The following ZNF330 variants were observed in gnomAD, a reference collection of about 807,000 sequenced individuals.
ZNF330 encodes the protein nucleolar atypical zinc finger.
In ZNF330, 31 loss-of-function variants were observed where a neutral mutation model predicts 45.5. The ratio of observed to expected loss-of-function variants is 0.68; its 90% confidence interval spans 0.51 to 0.92. The LOEUF is 0.92. ZNF330 is among the 40% of genes least tolerant of loss of function. The pLI is 0.00. For missense variants in ZNF330, 356 were observed against 387.4 expected, an observed-to-expected ratio of 0.92 and a Z score of 0.68; for synonymous variants, 138 against 123.2, an observed-to-expected ratio of 1.12 and a Z score of -0.79.
chr4:141,223,027 C>A (rs946133726), intron 2 of ZNF330, among the ~76,000 whole-genome samples: 2 of 151,554 alleles, frequency 1.3e-5, no homozygotes, highest in African/African-American at 4.9e-5. Flanking sequence ...TATTCCGGTT[C>A]TCTCTATTTC....
rs1473059755 is a variant in ZNF330 at position 141,234,446 on chromosome 4, A to G, written c.*457A>G. The G allele has an allele frequency of 6.5e-6, 1 of 153,258 alleles. No individual in the cohort carries two copies. Among genetic ancestry groups the G allele is most frequent in the Non-Finnish European group, 1.5e-5 (1 of 68,786 alleles). 9.5% of individuals were successfully genotyped at this position (153,258 alleles called of 1,614,324 possible). A position where few individuals can be genotyped will look rare whatever the true frequency, so the allele number is the denominator to read the frequency against. On this transcript the variant is annotated 3_prime_UTR_variant, in exon 10 of 10. Coordinates refer to ENST00000262990, the MANE Select transcript of ZNF330 (RefSeq NM_014487.6). The stretch of plus-strand genomic sequence containing the variant: ...CACAGAATGAGAGTCATATGTTGTT[A>G]TATTCTAAATTTTCATTAAATATTC...
chr4:141,228,020 A>G (rs905329015), intron 5 of ZNF330, among the ~76,000 whole-genome samples: 4 of 152,120 alleles, frequency 2.6e-5, no homozygotes, highest in African/African-American at 9.7e-5. Context: ...ATTTTAATCT[A>G]TGAGGAAAAT....
At chr4:141,224,756 T>A in intron 4 of ZNF330, 79 bp downstream of exon 4, 1 of 1,208,206 alleles carries the variant, frequency 8.3e-7, no homozygotes, top group Admixed American at 1.7e-5. Context: ...GGTTTGTTGC[T>A]ATTGGTTACA....
chr4:141,223,810 A>C, intron 2 of ZNF330: 2 of 456,024 alleles, frequency 4.4e-6, no homozygotes, highest in South Asian at 3.1e-5. Flanking sequence ...GAAGGGGTAC[A>C]CTTCACAGAA....
upstream of ZNF330, among the ~76,000 whole-genome samples, chr4:141,220,714 C>T (rs980950472): frequency 5.3e-5 from 8 of 152,214 alleles, no homozygotes; most frequent in African/African-American, 1.9e-4. Context: ...AAAAGTAAAA[C>T]TGAGGGGGCC....
At chr4:141,228,393 T>C (rs1461425662) in intron 5 of ZNF330, among the ~76,000 whole-genome samples, 1 of 152,068 alleles carries the variant, frequency 6.6e-6, no homozygotes, top group Admixed American at 6.6e-5. Context: ...TCTATTTGCC[T>C]CCCCAGATTC....
chr4:141,222,378 A>C lies in ZNF330; in HGVS notation c.7A>C (p.Lys3Gln). 2 of 1,604,440 alleles carry C rather than the reference A, an allele frequency of 1.2e-6. No individual in the cohort carries two copies. The highest frequency in any genetic ancestry group is 2.7e-5 in the African/African-American group (2 of 74,516). ...TGTGTCAAAATAGGGGAAAATGCCT[A>C]AAAAAAAGACTGGTGCGAGGAAGAA... MPKKKTGARKKAE... is the reference protein window; with the variant it reads MPQKKTGARKKAE... Residue 3 changes from lysine to glutamine, a missense_variant, in exon 2 of 10, where the codon AAA becomes CAA. By Grantham distance (53) the Lys-to-Gln change is moderately conservative (BLOSUM62 1). Transcript: ENST00000262990.
At chr4:141,229,305 T>C (rs1728890158) in intron 5 of ZNF330, among the ~76,000 whole-genome samples, 1 of 152,154 alleles carries the variant, frequency 6.6e-6, no homozygotes. Context: ...TAAATAATAT[T>C]AGGATAAGTG....
At chr4:141,227,734 T>G (rs1728846735) in intron 5 of ZNF330, among the ~76,000 whole-genome samples, 1 of 152,176 alleles carries the variant, frequency 6.6e-6, no homozygotes, top group Non-Finnish European at 1.5e-5. Flanking sequence ...AACCAACGTT[T>G]AAGCCTTTGG....
chr4:141,221,624 A>G (rs962150371), intron 1 of ZNF330, among the ~76,000 whole-genome samples: 3 of 151,260 alleles, frequency 2.0e-5, no homozygotes, highest in Non-Finnish European at 2.9e-5. Flanking sequence ...CGTACTGCTT[A>G]CCACCTGTTT....
At position 141,230,086 on chromosome 4, in the gene ZNF330, C is replaced by G. The variant is rs1012954781; in HGVS notation, c.419-80C>G. 2.1e-5 allele frequency: 21 copies of G among 1,008,056 alleles called. No homozygotes were observed. In the African/African-American group the frequency reaches 3.4e-4, roughly 16 times the overall value. 62.4% of individuals were successfully genotyped at this position (1,008,056 alleles called of 1,614,324 possible). On this transcript the variant is annotated intron_variant, in intron 6 of 9. Coordinates refer to ENST00000262990, the MANE Select transcript of ZNF330 (RefSeq NM_014487.6). ...GTATCTCCAAAGTAACTTACCATCTCTTCTAAGCAGTATTATAGATATGAG... is the reference window on the plus strand; with the variant it reads ...GTATCTCCAAAGTAACTTACCATCTGTTCTAAGCAGTATTATAGATATGAG...
At chr4:141,228,362 A>G (rs750736643) in intron 5 of ZNF330, among the ~76,000 whole-genome samples, 53 of 152,230 alleles carry the variant, frequency 3.5e-4, no homozygotes, top group South Asian at 8.3e-4. Flanking sequence ...AAATTCTAGA[A>G]AAGTGATTTT....
At position 141,229,612 on chromosome 4, in the gene ZNF330, T is replaced by C. The variant is rs1728898062; in HGVS notation, c.333T>C (p.Gly111=). ...CDFCEAWVCH[G]RKCLSTHACA... is the part of the protein sequence containing the mutation. ...TCTGTGAAGCTTGGGTTTGCCATGG[T>C]AGGAAATGTCTCAGTACACATGCTT... Residue 111 remains glycine (G), a synonymous_variant, in exon 6 of 10, where the codon GGT becomes GGC. Transcript: ENST00000262990. 1 of 1,613,154 alleles carries C rather than the reference T, an allele frequency of 6.2e-7. No individual in the cohort carries two copies. The highest frequency in any genetic ancestry group is 8.5e-7 in the Non-Finnish European group (1 of 1,179,280).
rs529827836 is a variant in ZNF330 at position 141,224,578 on chromosome 4, T to C, written c.141-29T>C. The C allele has an allele frequency of 3.7e-4, 590 of 1,611,722 alleles. 16 individuals carry two copies. In the South Asian group the frequency reaches 6.2e-3, roughly 17 times the overall value. On this transcript the variant is annotated intron_variant, in intron 3 of 9. Coordinates refer to ENST00000262990, the MANE Select transcript of ZNF330 (RefSeq NM_014487.6). ...CTGACTTTTTATCTGACATTGACCA[T>C]AATTTAAAATTTTATTTTACATGAC...
intron 7 of ZNF330, 22 bp from the exon 8 acceptor site, chr4:141,231,417 A>G (rs1387415754): frequency 1.9e-6 from 3 of 1,582,486 alleles, no homozygotes; most frequent in Non-Finnish European, 2.6e-6. Flanking sequence ...ACGGGATTTT[A>G]AAATTAATCT....
At chr4:141,223,578 C>A (rs1414096246) in intron 2 of ZNF330, among the ~76,000 whole-genome samples, 1 of 152,178 alleles carries the variant, frequency 6.6e-6, no homozygotes, top group Non-Finnish European at 1.5e-5. Flanking sequence ...GTGCCTGTCC[C>A]AGGGCTAACA....
Position 141,222,490 on chromosome 4 carries a change from T to G in ZNF330, c.119T>G (p.Met40Arg). 6.2e-7 allele frequency: 1 copy of G among 1,608,884 alleles called. No individual in the cohort carries two copies. Among genetic ancestry groups the G allele is most frequent in the South Asian group, 1.1e-5 (1 of 90,676 alleles). ...DLAKHPCNAS[M>R]ECDKCQRRQK... ...GCTAAACATCCATGTAATGCCTCAA[T>G]GGTATCAGCTTTTTTTGATATCAGT... is the stretch of plus-strand genomic sequence containing the variant. Residue 40 changes from methionine to arginine, a missense_variant and splice_region_variant, in exon 2 of 10, where the codon ATG becomes AGG. Coordinates refer to ENST00000262990, the MANE Select transcript of ZNF330 (RefSeq NM_014487.6).
Position 141,234,033 on chromosome 4 carries a change from T to A in ZNF330, c.*44T>A. On this transcript the variant is annotated 3_prime_UTR_variant, in exon 10 of 10. Coordinates refer to ENST00000262990, the MANE Select transcript of ZNF330 (RefSeq NM_014487.6). ...CGTGTGTGAGAGGAGCAGGAGTGAG[T>A]GTGTGTGCTTGATGAATTGTGTGTG... 1 of 1,564,296 alleles carries A rather than the reference T, an allele frequency of 6.4e-7. No homozygotes were observed. Among genetic ancestry groups the A allele is most frequent in the Non-Finnish European group, 8.6e-7 (1 of 1,158,030 alleles).
chr4:141,222,385 AG>A lies in ZNF330; in HGVS notation c.15del (p.Thr6LeufsTer17). On this transcript the variant is annotated frameshift_variant, in exon 2 of 10. Coordinates refer to ENST00000262990, the MANE Select transcript of ZNF330 (RefSeq NM_014487.6). LOFTEE classifies it high-confidence loss of function. The part of the protein sequence containing the change: MPKK[K>X]TGARKKAENR... ...AAATAGGGGAAAATGCCTAAAAAAA[AG>A]ACTGGTGCGAGGAAGAAGGCTGAGA... 6.2e-7 allele frequency: 1 copy of A among 1,613,306 alleles called. No homozygotes were observed.
Sources: allele counts gnomAD v4.1 joint callset (sites outside exome capture counted in the v4.1 genomes callset), GRCh38; gene constraint gnomAD v4.1.1; transcripts MANE v1.5; gene names NCBI Gene and HGNC (gene_info 2026-07-23, HGNC 2026-07-21).